The following CBFA2T3 variants were observed in gnomAD, a reference collection of about 807,000 sequenced individuals.
The protein encoded by CBFA2T3 is CBFA2/RUNX1 partner transcriptional co-repressor 3, also known as transcriptional corepressor CBFA2T3.
CBFA2T3 carries 31 observed loss-of-function variants against 58.6 expected under a neutral mutation model. The ratio of observed to expected loss-of-function variants is 0.53; its 90% confidence interval spans 0.40 to 0.71. CBFA2T3 has a LOEUF of 0.71. Among genes scored for constraint, CBFA2T3 ranks in the 30% least tolerant of loss-of-function variants. CBFA2T3 has a pLI of 0.00. For synonymous variants in CBFA2T3, 531 were observed against 421.9 expected (o/e 1.26, Z -3.17); for missense variants, 1,076 against 963.1 (o/e 1.12, Z -1.55).
At chr16:88,969,738 G>A (rs537567150) in intron 1 of CBFA2T3, among the ~76,000 whole-genome samples, 9 of 152,346 alleles carry the variant, frequency 5.9e-5, no homozygotes, top group South Asian at 2.1e-4. Flanking sequence ...GCCAGGGTGC[G>A]AGTGGCAGGT....
At chr16:88,926,329 C>A (rs1452227376) in intron 1 of CBFA2T3, among the ~76,000 whole-genome samples, 1 of 150,986 alleles carries the variant, frequency 6.6e-6, no homozygotes, top group Non-Finnish European at 1.5e-5. Flanking sequence ...CTGGACAAAC[C>A]TCCTCAATCC....
chr16:88,963,735 C>T (rs569765145), intron 1 of CBFA2T3, among the ~76,000 whole-genome samples: 1 of 152,370 alleles, frequency 6.6e-6, no homozygotes, highest in South Asian at 2.1e-4. Context: ...GCCTGGATTT[C>T]CCTGCTCAGC....
chr16:88,938,282 G>C (rs1416806287), intron 1 of CBFA2T3: 1 of 152,688 alleles, frequency 6.5e-6, no homozygotes, highest in East Asian at 1.9e-4. Context: ...GGTGCTCTAA[G>C]AATGTGGCCC....
chr16:88,882,532 A>ATGGCTGTGTGCATGGGTG (rs1171479228), intron 8 of CBFA2T3, 144 bp downstream of exon 8: 71 of 624,864 alleles, frequency 1.1e-4, no homozygotes, highest in African/African-American at 5.9e-4. Context: ...TTGTGTGGGC[A>ATGGCTGTGTGCATGGGTG]TGGCTGTGTG....
At chr16:88,975,103 G>GCTCCTGACCTGCAGCCA (rs1972766740) in intron 1 of CBFA2T3, among the ~76,000 whole-genome samples, 1 of 52,954 alleles carries the variant, frequency 1.9e-5, no homozygotes, top group Non-Finnish European at 5.1e-5. Flanking sequence ...TGGGTACTCT[G>GCTCCTGACCTGCAGCCA]TGTTAGAGGC....
At chr16:88,921,751 G>A (rs1048089638) in intron 1 of CBFA2T3, among the ~76,000 whole-genome samples, 4 of 152,268 alleles carry the variant, frequency 2.6e-5, no homozygotes, top group Non-Finnish European at 5.9e-5. Flanking sequence ...TACATCCGCG[G>A]TGCCGGGGGA....
At chr16:88,886,764 C>T (rs1969393775) in intron 5 of CBFA2T3, 1 of 152,372 alleles carries the variant, frequency 6.6e-6, no homozygotes, top group African/African-American at 2.4e-5. Context: ...AGGACGTGGA[C>T]ACCCACGTTC....
chr16:88,921,406 A>G lies in CBFA2T3; in HGVS notation c.152-19750T>C, dbSNP rs574801233. 2.0e-5 allele frequency among the ~76,000 whole-genome samples: 3 copies of G among 152,332 alleles called. No homozygotes were observed. In the South Asian group the frequency reaches 6.2e-4, roughly 32 times the overall value. ...CCACCCCAGCTTGGCAGGATCGGAA[A>G]TGTGTCTGGCTGGTGACGGATGGGG... On this transcript the variant is annotated intron_variant, in intron 1 of 11. Transcript: ENST00000268679.
chr16:88,949,426 G>C lies in CBFA2T3; in HGVS notation c.151+27231C>G, dbSNP rs142130786. On this transcript the variant is annotated intron_variant, in intron 1 of 11. Coordinates refer to ENST00000268679, the MANE Select transcript of CBFA2T3 (RefSeq NM_005187.6). ...ATACAAAAATTAGCCAGGTGTGATG[G>C]TGTGTGCCTGTAGTCCCAGCTATTC... 6.7e-3 allele frequency among the ~76,000 whole-genome samples: 1,020 copies of C among 152,160 alleles called. 11 individuals are homozygous for C. The highest frequency in any genetic ancestry group is 0.023 in the African/African-American group (970 of 41,470).
intron 1 of CBFA2T3, among the ~76,000 whole-genome samples, chr16:88,902,831 C>T (rs977783260): frequency 6.6e-6 from 1 of 152,066 alleles, no homozygotes; most frequent in African/African-American, 2.4e-5. Context: ...TGCCCCGCAC[C>T]CTGCTCCTGC....
intron 5 of CBFA2T3, among the ~76,000 whole-genome samples, chr16:88,887,486 G>T (rs1238910316): frequency 6.6e-6 from 1 of 152,136 alleles, no homozygotes; most frequent in Non-Finnish European, 1.5e-5. Context: ...GGGGCGGTGG[G>T]TGGGGCTGCA....
intron 2 of CBFA2T3, among the ~76,000 whole-genome samples, chr16:88,901,151 C>T (rs144224766): frequency 1.3e-5 from 2 of 152,370 alleles, no homozygotes; most frequent in Admixed American, 6.5e-5. Flanking sequence ...CTAGGCCTGC[C>T]GGACGAGGCA....
Position 88,885,025 on chromosome 16 carries a change from C to T in CBFA2T3, c.1117+21G>A, listed in dbSNP as rs770118907. On this transcript the variant is annotated intron_variant, in intron 7 of 11. Coordinates refer to ENST00000268679, the MANE Select transcript of CBFA2T3 (RefSeq NM_005187.6). This position sits in a 1 kb window ranked among gnomAD's most constrained non-coding sequence, Gnocchi z 5.3. The stretch of plus-strand genomic sequence containing the variant: ...GCTCCTGTAACACGCGTCCACGCTC[C>T]CGCCCCACCGGGCTGCTCACCAAGC... 3.2e-6 allele frequency: 5 copies of T among 1,565,132 alleles called. No individual in the cohort carries two copies. The highest frequency in any genetic ancestry group is 4.3e-6 in the Non-Finnish European group (5 of 1,155,312).
rs1216016294 is a variant in CBFA2T3, at chr16:88,885,961, C to T, written c.893G>A (p.Arg298Lys). The change falls in exon 6 of 12, where the codon AGG becomes AAG. Residue 298 changes from arginine (R) to lysine (K), a missense_variant and splice_region_variant. Arg to Lys is a conservative substitution (Grantham distance 26). Coordinates refer to ENST00000268679, the MANE Select transcript of CBFA2T3 (RefSeq NM_005187.6). The surrounding 1 kb of genome is among the most constrained non-coding windows in gnomAD (Gnocchi z 5.3). Reference sequence around the variant, plus strand: ...CCAGATCCCCGGAGCCCACAGGTACCTGTCGGGCGTCCTCCTCTTGCCGTT... The same window carrying T: ...CCAGATCCCCGGAGCCCACAGGTACTTGTCGGGCGTCCTCCTCTTGCCGTT... ...NENGKRRTPDRTKENGSDRDP... is the reference protein window; with the variant it reads ...NENGKRRTPDKTKENGSDRDP... The T allele has an allele frequency of 6.5e-6, 10 of 1,548,226 alleles. No individual in the cohort carries two copies. Among genetic ancestry groups the T allele is most frequent in the African/African-American group, 2.7e-5 (2 of 73,068 alleles).
intron 1 of CBFA2T3, among the ~76,000 whole-genome samples, chr16:88,923,010 C>T (rs973262343): frequency 5.3e-5 from 8 of 152,226 alleles, no homozygotes; most frequent in Non-Finnish European, 7.3e-5. Context: ...CAGCTCTACA[C>T]GGCTCTTTAC....
chr16:88,881,516 C>T, intron 8 of CBFA2T3, 27 bp from the exon 9 acceptor site: 3 of 1,591,218 alleles, frequency 1.9e-6, no homozygotes, highest in Non-Finnish European at 2.6e-6. Context: ...CAGCCTTCAG[C>T]ACCTCAGAGG....
rs769616653 is a variant in CBFA2T3 at position 88,917,811 on chromosome 16, CGA to C, written c.152-16157_152-16156del. On this transcript the variant is annotated intron_variant, in intron 1 of 11. Coordinates refer to ENST00000268679, the MANE Select transcript of CBFA2T3 (RefSeq NM_005187.6). ...CGCACGTATGACACACACATGCAGA[CGA>C]GAGTGTGCGTGAAGACGAGAGTGTG... Among the ~76,000 whole-genome samples, 144 of 149,146 alleles carry C rather than the reference CGA, an allele frequency of 9.7e-4. 1 individual carries two copies. In the Middle Eastern group the frequency reaches 0.017, roughly 18 times the overall value.
At chr16:88,894,026 C>G (rs1045426997) in intron 3 of CBFA2T3, among the ~76,000 whole-genome samples, 7 of 152,158 alleles carry the variant, frequency 4.6e-5, no homozygotes, top group Non-Finnish European at 2.9e-5. Context: ...AAGCCCCGCA[C>G]ACACTCACGG....
At chr16:88,969,361 C>T (rs1972591718) in intron 1 of CBFA2T3, among the ~76,000 whole-genome samples, 1 of 152,216 alleles carries the variant, frequency 6.6e-6, no homozygotes, top group Non-Finnish European at 1.5e-5. Flanking sequence ...TGGGCTCCCT[C>T]CCGGCTGGTG....
Sources: allele counts gnomAD v4.1 joint callset (sites outside exome capture counted in the v4.1 genomes callset), GRCh38; gene constraint gnomAD v4.1.1; non-coding constraint Gnocchi (gnomAD v3.1); transcripts MANE v1.5; gene names NCBI Gene and HGNC (gene_info 2026-07-23, HGNC 2026-07-21).